NFS1: variants seen among roughly 807,000 people sequenced by gnomAD.
NFS1 encodes the protein NFS1 cysteine desulfurase, also known as cysteine desulfurase.
In NFS1, 26 loss-of-function variants were observed where a neutral mutation model predicts 57.3. That is an observed-to-expected ratio of 0.45 (90% CI 0.33 to 0.63). The LOEUF is 0.63. NFS1 is among the 20% of genes least tolerant of loss of function. The pLI, the probability that NFS1 is intolerant of heterozygous loss-of-function variation, is 0.02. For synonymous variants in NFS1, 209 were observed against 216.3 expected (o/e 0.97, Z 0.30); for missense variants, 505 against 605.8 (o/e 0.83, Z 1.75).
At chr20:35,689,307 G>A (rs1211431173) in intron 5 of NFS1, among the ~76,000 whole-genome samples, 1 of 152,150 alleles carries the variant, frequency 6.6e-6, no homozygotes, top group Non-Finnish European at 1.5e-5. Context: ...GACCAACATG[G>A]TGAAACTCTG....
chr20:35,672,612 T>C, intron 12 of NFS1, 143 bp downstream of exon 12: 1 of 669,360 alleles, frequency 1.5e-6, no homozygotes. Context: ...GAAGATCTAC[T>C]TTCTTGCTTT....
intron 5 of NFS1, among the ~76,000 whole-genome samples, chr20:35,690,152 C>A (rs2035018455): frequency 6.6e-6 from 1 of 151,670 alleles, no homozygotes; most frequent in African/African-American, 2.4e-5. Flanking sequence ...GAGCTGAGAT[C>A]AAGCCACTGC....
intron 1 of NFS1, 34 bp from the exon 2 acceptor site, chr20:35,698,624 A>G: frequency 6.4e-7 from 1 of 1,554,722 alleles, no homozygotes. Context: ...GCCAAGTAAG[A>G]CCGAAGGCAA....
chr20:35,671,758 C>A (rs2034658744), intron 12 of NFS1, among the ~76,000 whole-genome samples: 1 of 151,858 alleles, frequency 6.6e-6, no homozygotes, highest in African/African-American at 2.4e-5. Context: ...GGCATAGTGG[C>A]ACATGCCTGT....
chr20:35,697,176 A>C (rs968485303), intron 3 of NFS1, among the ~76,000 whole-genome samples: 1 of 151,992 alleles, frequency 6.6e-6, no homozygotes, highest in African/African-American at 2.4e-5. Flanking sequence ...GTGTGCCTGT[A>C]ATCCCAATTA....
intron 5 of NFS1, among the ~76,000 whole-genome samples, chr20:35,687,468 CCT>C (rs964727815): frequency 2.0e-5 from 3 of 152,130 alleles, no homozygotes; most frequent in Non-Finnish European, 4.4e-5. Flanking sequence ...GGAAGGGCCC[CCT>C]GTCCAATGGA....
chr20:35,688,581 T>G (rs2034985954), intron 5 of NFS1, among the ~76,000 whole-genome samples: 1 of 151,682 alleles, frequency 6.6e-6, no homozygotes, highest in Non-Finnish European at 1.5e-5. Flanking sequence ...AAATAAAAAT[T>G]TAGCCAGGTG....
At position 35,681,973 on chromosome 20, in the gene NFS1, C is replaced by T. The variant is rs1346636814; in HGVS notation, c.570G>A (p.Glu190=). The T allele has an allele frequency of 1.9e-6, 3 of 1,604,194 alleles. No homozygotes were observed. The highest frequency in any genetic ancestry group is 1.7e-5 in the Admixed American group (1 of 59,962). ...GGCTAGTATCTGGCTGGATAGCAGC[C>T]TCTAGTTCCTAGGGATATGCAGGAG... The part of the protein sequence containing the change: ...KSGIIDLKEL[E]AAIQPDTSLV... The change falls in exon 6 of 13, where the codon GAG becomes GAA. Residue 190 remains glutamate, a synonymous_variant. Coordinates refer to ENST00000374092, the MANE Select transcript of NFS1 (RefSeq NM_021100.5).
chr20:35,696,696 T>C lies in NFS1; in HGVS notation c.325-236A>G, dbSNP rs151287997. Among the ~76,000 whole-genome samples the C allele has an allele frequency of 5.6e-3, 848 of 152,058 alleles. 18 individuals carry two copies. Among genetic ancestry groups the C allele is most frequent in the African/African-American group, 0.019 (802 of 41,458 alleles). Reference sequence around the variant, plus strand: ...TTTTTAATGAACTATTGGCCAGGTGTGGTGGGTCACTCCTGTAACCCCAGC... The same window carrying C: ...TTTTTAATGAACTATTGGCCAGGTGCGGTGGGTCACTCCTGTAACCCCAGC... On this transcript the variant is annotated intron_variant, in intron 3 of 12. Coordinates refer to ENST00000374092, the MANE Select transcript of NFS1 (RefSeq NM_021100.5).
rs765242367 is a variant in NFS1, at chr20:35,669,579, G to A, written c.*43C>T. On this transcript the variant is annotated 3_prime_UTR_variant, in exon 13 of 13. Coordinates refer to ENST00000374092, the MANE Select transcript of NFS1 (RefSeq NM_021100.5). ...TGTCTGGTTGTGCACGGGTTGGTGA[G>A]GCAGGAGGGGCCAGACCAGCACAAA... is the stretch of plus-strand genomic sequence containing the variant. 1.9e-6 allele frequency: 3 copies of A among 1,588,298 alleles called. No homozygotes were observed. The highest frequency in any genetic ancestry group is 2.2e-5 in the East Asian group (1 of 44,764).
At chr20:35,698,997 G>A (rs2035194420) in intron 1 of NFS1, 195 bp downstream of exon 1, 5 of 1,321,196 alleles carry the variant, frequency 3.8e-6, no homozygotes, top group Non-Finnish European at 3.8e-6. Context: ...GGCCTGTCGC[G>A]CAGGGTGCGA....
At chr20:35,683,113 CAAAAAT>C (rs1284590883) in intron 5 of NFS1, among the ~76,000 whole-genome samples, 3 of 151,358 alleles carry the variant, frequency 2.0e-5, no homozygotes, top group African/African-American at 7.3e-5. Context: ...AAAACAAAAA[CAAAAAT>C]AAAAAAGCCA....
At chr20:35,672,982 T>TTCTCAGAACATGGTATA (rs1412328561) in intron 11 of NFS1, 138 bp from the exon 12 acceptor site, 3 of 612,546 alleles carry the variant, frequency 4.9e-6, no homozygotes, top group Non-Finnish European at 8.6e-6. Context: ...TAGGCAGAGT[T>TTCTCAGAACATGGTATA]TCTCAGAACA....
chr20:35,692,041 C>G (rs1482031977), intron 4 of NFS1, among the ~76,000 whole-genome samples: 1 of 151,850 alleles, frequency 6.6e-6, no homozygotes, highest in African/African-American at 2.4e-5. Context: ...CAAAAATTAG[C>G]CAGGCGTGGT....
intron 5 of NFS1, among the ~76,000 whole-genome samples, chr20:35,685,865 C>CAA (rs72491026): frequency 0.012 from 816 of 66,482 alleles, 4 homozygotes; most frequent in African/African-American, 0.039. Flanking sequence ...TACCCCCCCG[C>CAA]AAAAAAAAAA....
chr20:35,674,015 C>T (rs2034698779), intron 10 of NFS1: 5 of 449,356 alleles, frequency 1.1e-5, no homozygotes, highest in Middle Eastern at 6.5e-4. Context: ...CCATCTGCAC[C>T]AGCCTGAAGG....
intron 3 of NFS1, among the ~76,000 whole-genome samples, chr20:35,697,036 G>A (rs2035146212): frequency 6.6e-6 from 1 of 152,208 alleles, no homozygotes; most frequent in African/African-American, 2.4e-5. Flanking sequence ...AACCCGGGAG[G>A]CAGAGGTTGC....
At chr20:35,685,557 T>TA (rs1601528234) in intron 5 of NFS1, among the ~76,000 whole-genome samples, 5 of 138,580 alleles carry the variant, frequency 3.6e-5, no homozygotes, top group African/African-American at 1.1e-4. Context: ...TATAAAATAT[T>TA]TTATATATAT....
rs934231587 is a variant in NFS1, at chr20:35,680,662, A to C, written c.790+75T>G. 1.8e-5 allele frequency: 23 copies of C among 1,304,778 alleles called. No homozygotes were observed. The African/African-American group carries it at 3.5e-4, about 20-fold the overall frequency. The allele number at this position is 1,304,778 out of a possible 1,614,324, so 80.8% of individuals were successfully genotyped here. ...TCCTCTGAGAGCAACAGTAGTCCCA[A>C]ATGACTGTGACAAACATCTATCAAA... On this transcript the variant is annotated intron_variant, in intron 7 of 12. Transcript: ENST00000374092.
Sources: gnomAD v4.1 joint callset for allele counts (sites outside exome capture counted in the v4.1 genomes callset) on GRCh38, gnomAD v4.1.1 for gene constraint, MANE v1.5 for transcripts, NCBI Gene and HGNC (gene_info 2026-07-23, HGNC 2026-07-21) for gene names.